Variants in CHST3 observed in about 807,000 individuals in gnomAD.
CHST3 encodes the protein C6ST-1.
Under a neutral mutation model 35.4 loss-of-function variants are expected in CHST3, and 20 were observed. That is an observed-to-expected ratio of 0.57 (90% CI 0.40 to 0.82). The LOEUF (loss-of-function observed/expected upper bound fraction) is 0.82, where lower values mean the gene tolerates loss of function less well. CHST3 is among the 40% of genes least tolerant of loss of function. CHST3 has a pLI of 0.00. For synonymous variants in CHST3, 334 were observed against 295.9 expected (o/e 1.13, Z -1.32); for missense variants, 693 against 670.1 (o/e 1.03, Z -0.38).
intron 1 of CHST3, among the ~76,000 whole-genome samples, chr10:71,969,226 C>T (rs891458636): frequency 1.3e-4 from 20 of 152,310 alleles, no homozygotes; most frequent in Middle Eastern, 3.4e-3. Context: ...TTTACATCCA[C>T]GCCCCACAGG....
intron 2 of CHST3, among the ~76,000 whole-genome samples, 175 bp from the exon 3 acceptor site, chr10:72,006,997 C>G (rs572256629): frequency 6.6e-6 from 1 of 152,260 alleles, no homozygotes; most frequent in Admixed American, 6.5e-5. Context: ...TCCAGTACTT[C>G]CTGTGATCAT....
intron 1 of CHST3, among the ~76,000 whole-genome samples, chr10:71,964,928 C>T (rs1839614339): frequency 6.6e-6 from 1 of 152,208 alleles, no homozygotes; most frequent in Admixed American, 6.5e-5. Context: ...CCACTCATAC[C>T]CCGCACACGG....
chr10:72,007,297 A>T lies in CHST3; in HGVS notation c.266A>T (p.Gln89Leu), dbSNP rs1219222545. 7 of 1,613,726 alleles carry T rather than the reference A, an allele frequency of 4.3e-6. No homozygotes were observed. Among genetic ancestry groups the T allele is most frequent in the Non-Finnish European group, 5.9e-6 (7 of 1,179,836 alleles). Residue 89 changes from glutamine (Q) to leucine (L), a missense_variant, in exon 3 of 3, where the codon CAG (glutamine) becomes CTG (leucine). By Grantham distance (113) the Gln-to-Leu change is moderately radical (BLOSUM62 -2). Coordinates refer to ENST00000373115, the MANE Select transcript of CHST3 (RefSeq NM_004273.5). Reference protein sequence around the residue: ...SLSELDSAFSQLQSRLRNLSL... With the variant: ...SLSELDSAFSLLQSRLRNLSL... The stretch of plus-strand genomic sequence containing the variant: ...AGCGAGCTCGATTCAGCCTTCTCCC[A>T]GCTTCAGAGCCGTCTCCGCAACCTC...
chr10:71,984,172 G>A (rs1413537566), intron 1 of CHST3, among the ~76,000 whole-genome samples: 4 of 152,140 alleles, frequency 2.6e-5, no homozygotes, highest in South Asian at 2.1e-4. Flanking sequence ...ACAGGCATGC[G>A]CCACCGCACC....
chr10:71,997,706 C>T lies in CHST3; in HGVS notation c.-107-8030C>T, dbSNP rs1449100991. ...AATTTTTTTTTTTTTTTTTTTGAGA[C>T]GGAGTCTTGCAGTGGTGGGATCTCG... On this transcript the variant is annotated intron_variant, in intron 1 of 2. Transcript: ENST00000373115. 5.7e-5 allele frequency among the ~76,000 whole-genome samples: 7 copies of T among 122,358 alleles called. 1 individual carries two copies. The East Asian group carries it at 9.3e-4, about 16-fold the overall frequency. 80.3% of individuals were successfully genotyped at this position (122,358 alleles called of 152,430 possible).
chr10:71,994,337 GC>G (rs1839922068), intron 1 of CHST3, among the ~76,000 whole-genome samples: 1 of 152,104 alleles, frequency 6.6e-6, no homozygotes, highest in Non-Finnish European at 1.5e-5. Context: ...TCCATGGGCT[GC>G]AGAATTAATG....
At chr10:71,988,882 G>T (rs1215275126) in intron 1 of CHST3, among the ~76,000 whole-genome samples, 1 of 152,162 alleles carries the variant, frequency 6.6e-6, no homozygotes, top group Non-Finnish European at 1.5e-5. Context: ...GATTTGCCAG[G>T]CCGGGTGTGG....
rs760290305 is a variant in CHST3 at position 72,007,238 on chromosome 10, G to A, written c.207G>A (p.Leu69=). ...LADANSTDPA[L]ILAENASLLS... ...ATGCCAACAGCACCGACCCAGCCCT[G>A]ATCTTAGCTGAGAACGCATCTCTCT... The change falls in exon 3 of 3, where the codon CTG becomes CTA. Residue 69 remains leucine (L), a synonymous_variant. Transcript: ENST00000373115. 1 of 1,614,232 alleles carries A rather than the reference G, an allele frequency of 6.2e-7. No homozygotes were observed. The highest frequency in any genetic ancestry group is 1.1e-5 in the South Asian group (1 of 91,084).
rs573646129 is a variant in CHST3 at position 71,965,155 on chromosome 10, T to C, written c.-108+461T>C. On this transcript the variant is annotated intron_variant, in intron 1 of 2. Coordinates refer to ENST00000373115, the MANE Select transcript of CHST3 (RefSeq NM_004273.5). ...GAGAGGCTGCCTGGGTTTTGAAAAC[T>C]TGTGGCCAGAACCCCGAGACCAAGG... Among the ~76,000 whole-genome samples the C allele has an allele frequency of 5.3e-5, 8 of 152,218 alleles. No homozygotes were observed. In the East Asian group the frequency reaches 1.4e-3, roughly 26 times the overall value.
At chr10:71,978,013 G>T (rs1425860340) in intron 1 of CHST3, among the ~76,000 whole-genome samples, 2 of 152,226 alleles carry the variant, frequency 1.3e-5, no homozygotes, top group Non-Finnish European at 2.9e-5. Context: ...CTGCCTCTGT[G>T]CTTCTTCCTA....
chr10:71,977,309 G>T (rs1308430081), intron 1 of CHST3, among the ~76,000 whole-genome samples: 1 of 152,164 alleles, frequency 6.6e-6, no homozygotes, highest in Non-Finnish European at 1.5e-5. Flanking sequence ...CCTCCCAGCT[G>T]CCCCTTCAAC....
In CHST3 at chr10:72,010,860, G is replaced by C. The variant is rs2131780364; in HGVS notation, c.*2389G>C. ...GGAGGGGGCAGCCACCTCCATCCAA[G>C]GCTCTTCCTAGGGGCCCTGCTAATG... On this transcript the variant is annotated 3_prime_UTR_variant, in exon 3 of 3. Coordinates refer to ENST00000373115, the MANE Select transcript of CHST3 (RefSeq NM_004273.5). 6.6e-6 allele frequency: 1 copy of C among 152,334 alleles called. No homozygotes were observed. The highest frequency in any genetic ancestry group is 2.1e-4 in the South Asian group (1 of 4,826). The allele number at this position is 152,334 out of a possible 1,614,324, so 9.4% of individuals were successfully genotyped here. A position where few individuals can be genotyped will look rare whatever the true frequency, so the allele number is the denominator to read the frequency against.
rs1260586516 is a variant in CHST3 at position 71,998,948 on chromosome 10, C to A, written c.-107-6788C>A. 3.9e-5 allele frequency among the ~76,000 whole-genome samples: 6 copies of A among 152,156 alleles called. No homozygotes were observed. In the East Asian group the frequency reaches 1.2e-3, roughly 29 times the overall value. On this transcript the variant is annotated intron_variant, in intron 1 of 2. Coordinates refer to ENST00000373115, the MANE Select transcript of CHST3 (RefSeq NM_004273.5). ...GGGGAGCTGCAGCCAGGCATTCATTCACTTCCCGTTCTTTCATTCCTGCTC... is the reference window on the plus strand; with the variant it reads ...GGGGAGCTGCAGCCAGGCATTCATTAACTTCCCGTTCTTTCATTCCTGCTC...
Position 71,980,803 on chromosome 10 carries a change from C to T in CHST3, c.-108+16109C>T, listed in dbSNP as rs141166799. 4.9e-3 allele frequency among the ~76,000 whole-genome samples: 751 copies of T among 152,362 alleles called. 2 individuals are homozygous for T. Among genetic ancestry groups the T allele is most frequent in the African/African-American group, 0.016 (676 of 41,596 alleles). ...ATGGATGAGAATTGCTGATTGCTAA[C>T]ATCCGAACGGTGGATCTCTGAGATA... On this transcript the variant is annotated intron_variant, in intron 1 of 2. Transcript: ENST00000373115.
rs1488035101 is a variant in CHST3 at position 72,005,744 on chromosome 10, T to C, written c.-99T>C. The C allele has an allele frequency of 1.4e-6, 2 of 1,472,956 alleles. No homozygotes were observed. The highest frequency in any genetic ancestry group is 4.5e-5 in the East Asian group (2 of 44,114). The allele number at this position is 1,472,956 out of a possible 1,614,324, so 91.2% of individuals were successfully genotyped here. Reference sequence around the variant, plus strand: ...CACCTGTCTCTCCGCAGGACAAGGGTGTCCCCCACCTGAAGACGGCAAGCT... The same window carrying C: ...CACCTGTCTCTCCGCAGGACAAGGGCGTCCCCCACCTGAAGACGGCAAGCT... On this transcript the variant is annotated 5_prime_UTR_variant, in exon 2 of 3. Transcript: ENST00000373115.
chr10:71,969,857 C>T (rs996857094), intron 1 of CHST3, among the ~76,000 whole-genome samples: 2 of 152,188 alleles, frequency 1.3e-5, no homozygotes, highest in Non-Finnish European at 2.9e-5. Context: ...AGTGGCGGCA[C>T]AGAGAGGGTC....
At chr10:72,000,691 A>G (rs1328505367) in intron 1 of CHST3, among the ~76,000 whole-genome samples, 1 of 152,116 alleles carries the variant, frequency 6.6e-6, no homozygotes, top group East Asian at 1.9e-4. Flanking sequence ...AGTAGTGCAT[A>G]GAGTGTTTGA....
At chr10:71,967,588 G>C (rs1839644319) in intron 1 of CHST3, among the ~76,000 whole-genome samples, 1 of 152,174 alleles carries the variant, frequency 6.6e-6, no homozygotes, top group Admixed American at 6.5e-5. Context: ...TGGGCATTTA[G>C]GTTGATTTCA....
At chr10:71,968,185 A>G (rs150966252) in intron 1 of CHST3, among the ~76,000 whole-genome samples, 1,635 of 152,080 alleles carry the variant, frequency 0.011, 19 homozygotes, top group Middle Eastern at 0.038. Context: ...AGCTATTCTG[A>G]CTGGTATGAG....
Sources: gnomAD v4.1 joint callset for allele counts (sites outside exome capture counted in the v4.1 genomes callset) on GRCh38, gnomAD v4.1.1 for gene constraint, MANE v1.5 for transcripts, NCBI Gene and HGNC (gene_info 2026-07-23, HGNC 2026-07-21) for gene names.